CCDC102B: variants seen among roughly 807,000 people sequenced by gnomAD.
CCDC102B encodes the protein coiled-coil domain containing 102B.
A neutral mutation model predicts 57.4 loss-of-function variants in CCDC102B; 75 were observed. The observed-to-expected ratio is 1.31, with a 90% CI of 1.08 to 1.58. CCDC102B has a LOEUF of 1.58. Ranked by LOEUF, CCDC102B falls within the 40% of genes most tolerant of loss-of-function variation. CCDC102B has a pLI of 0.00. For synonymous variants in CCDC102B, 206 were observed against 201.9 expected (o/e 1.02, Z -0.17); for missense variants, 636 against 582.6 (o/e 1.09, Z -0.94).
chr18:68,977,996 G>A (rs1486041070), intron 6 of CCDC102B, among the ~76,000 whole-genome samples: 5 of 152,024 alleles, frequency 3.3e-5, no homozygotes, highest in African/African-American at 7.2e-5. Context: ...TACCTGTGAC[G>A]TATTTGAAGT....
intron 5 of CCDC102B, among the ~76,000 whole-genome samples, chr18:68,892,532 G>A (rs2145000296): frequency 6.6e-6 from 1 of 152,214 alleles, no homozygotes; most frequent in Admixed American, 6.5e-5. Context: ...CCTCTTTATT[G>A]TGTTGACAGG....
At chr18:68,839,971 C>T (rs2187095) in intron 3 of CCDC102B, among the ~76,000 whole-genome samples, 37,971 of 151,912 alleles carry the variant, frequency 0.25, 5,143 homozygotes, top group East Asian at 0.49. Flanking sequence ...ATTGTGGCAA[C>T]GATCTTTGCA....
At chr18:68,945,682 T>C (rs1599732379) in intron 6 of CCDC102B, among the ~76,000 whole-genome samples, 1 of 152,104 alleles carries the variant, frequency 6.6e-6, no homozygotes, top group African/African-American at 2.4e-5. Flanking sequence ...AAGAATCTCT[T>C]GTAGGACAGC....
At chr18:68,802,768 T>G (rs1362061395) in intron 1 of CCDC102B, among the ~76,000 whole-genome samples, 1 of 152,204 alleles carries the variant, frequency 6.6e-6, no homozygotes, top group Non-Finnish European at 1.5e-5. Context: ...TCGAGAAGCA[T>G]AGATCTTTAT....
chr18:68,967,779 C>A (rs1023501309), intron 6 of CCDC102B, among the ~76,000 whole-genome samples: 1 of 152,070 alleles, frequency 6.6e-6, no homozygotes, highest in Non-Finnish European at 1.5e-5. Context: ...AAAGCTCATC[C>A]TCATGGAAAC....
intron 7 of CCDC102B, among the ~76,000 whole-genome samples, chr18:69,016,168 A>C (rs1044659592): frequency 4.9e-5 from 7 of 144,284 alleles, no homozygotes; most frequent in African/African-American, 1.5e-4. Context: ...CGGCCAATTT[A>C]ATTGTTATTT....
At chr18:69,037,941 AG>A (rs2052339217) in intron 7 of CCDC102B, among the ~76,000 whole-genome samples, 1 of 151,996 alleles carries the variant, frequency 6.6e-6, no homozygotes, top group Admixed American at 6.6e-5. Context: ...ATCACACCTC[AG>A]GTACTTTGCA....
intron 3 of CCDC102B, 44 bp downstream of exon 3, chr18:68,838,970 A>G (rs754784468): frequency 1.4e-5 from 21 of 1,449,566 alleles, no homozygotes; most frequent in Non-Finnish European, 1.8e-5. Context: ...CTAAGTTTCA[A>G]ATCACTTAAA....
intron 6 of CCDC102B, among the ~76,000 whole-genome samples, chr18:69,009,210 T>C (rs932211543): frequency 6.6e-6 from 1 of 152,222 alleles, no homozygotes; most frequent in Non-Finnish European, 1.5e-5. Flanking sequence ...TTTGCCAGTC[T>C]GAAGACATCT....
intron 2 of CCDC102B, among the ~76,000 whole-genome samples, chr18:68,719,272 A>G (rs2032195504): frequency 6.6e-6 from 1 of 152,228 alleles, no homozygotes; most frequent in Admixed American, 6.5e-5. Context: ...AGAAAACCAA[A>G]GGAAGCTTTA....
At chr18:68,973,662 G>C (rs1221787518) in intron 6 of CCDC102B, among the ~76,000 whole-genome samples, 1 of 152,038 alleles carries the variant, frequency 6.6e-6, no homozygotes, top group Non-Finnish European at 1.5e-5. Flanking sequence ...GTTGTGGATA[G>C]ATTTTTTCTT....
intron 6 of CCDC102B, among the ~76,000 whole-genome samples, chr18:68,908,779 A>C (rs563442358): frequency 6.6e-6 from 1 of 152,276 alleles, no homozygotes; most frequent in South Asian, 2.1e-4. Flanking sequence ...GTAAGTGATA[A>C]AATTTAGCAT....
chr18:69,049,591 C>T (rs2052653210), intron 7 of CCDC102B, among the ~76,000 whole-genome samples: 1 of 152,024 alleles, frequency 6.6e-6, no homozygotes, highest in African/African-American at 2.4e-5. Context: ...ATCACACAGA[C>T]CCACCCCATG....
chr18:68,990,105 C>A (rs914934419), intron 6 of CCDC102B, among the ~76,000 whole-genome samples: 6 of 152,210 alleles, frequency 3.9e-5, no homozygotes, highest in African/African-American at 1.2e-4. Context: ...AGCACCATCT[C>A]TTTGCTCCAT....
chr18:68,956,449 ATATT>A (rs2049874471), intron 6 of CCDC102B, among the ~76,000 whole-genome samples: 1 of 14,128 alleles, frequency 7.1e-5, no homozygotes, highest in African/African-American at 2.8e-4. Flanking sequence ...TATATTATAT[ATATT>A]ATATATTTTA....
intron 2 of CCDC102B, among the ~76,000 whole-genome samples, chr18:68,756,879 TG>T: frequency 9.3e-6 from 1 of 108,040 alleles, no homozygotes; most frequent in South Asian, 4.0e-4. Flanking sequence ...ATGCTATATC[TG>T]GTGTGTGTGT....
At chr18:68,733,822 T>G (rs1221530481) in intron 2 of CCDC102B, among the ~76,000 whole-genome samples, 1 of 152,160 alleles carries the variant, frequency 6.6e-6, no homozygotes, top group Non-Finnish European at 1.5e-5. Flanking sequence ...AAGCTAAGAT[T>G]ATTTTTATCA....
At chr18:68,793,376 A>G (rs536798811), upstream of CCDC102B, among the ~76,000 whole-genome samples, 2 of 152,296 alleles carry the variant, frequency 1.3e-5, no homozygotes, top group East Asian at 3.9e-4. Flanking sequence ...CTATTTTTTA[A>G]AAAAGTTTGT....
At chr18:68,726,368 G>A (rs530115681) in intron 2 of CCDC102B, among the ~76,000 whole-genome samples, 6 of 152,250 alleles carry the variant, frequency 3.9e-5, no homozygotes, top group Admixed American at 1.3e-4. Context: ...AAAAATTACC[G>A]CCTTAATTAA....
Sources: allele counts gnomAD v4.1 joint callset (sites outside exome capture counted in the v4.1 genomes callset), GRCh38; gene constraint gnomAD v4.1.1; transcripts MANE v1.5; gene names NCBI Gene and HGNC (gene_info 2026-07-23, HGNC 2026-07-21).